Variants in PLS1 observed in about 807,000 individuals in gnomAD.
PLS1 encodes plastin-1.
Under a neutral mutation model 73.7 loss-of-function variants are expected in PLS1, and 32 were observed. The observed-to-expected ratio is 0.43, with a 90% CI of 0.33 to 0.58. PLS1 has a LOEUF of 0.58. Among genes scored for constraint, PLS1 ranks in the 20% least tolerant of loss-of-function variants. PLS1 has a pLI of 0.04. For synonymous variants in PLS1, 217 were observed against 261.3 expected, an observed-to-expected ratio of 0.83 and a Z score of 1.63; for missense variants, 633 against 740.5, an observed-to-expected ratio of 0.85 and a Z score of 1.68.
At chr3:142,673,782 C>A in intron 4 of PLS1, 1 of 152,254 alleles carries the variant, frequency 6.6e-6, no homozygotes, top group South Asian at 2.1e-4. Flanking sequence ...GGTCTTTGGT[C>A]AAGGGTATAC....
chr3:142,691,879 A>G (rs1405942431), intron 10 of PLS1, among the ~76,000 whole-genome samples: 1 of 152,148 alleles, frequency 6.6e-6, no homozygotes, highest in African/African-American at 2.4e-5. Flanking sequence ...GCTCACATCA[A>G]ATTGAACCAG....
At chr3:142,702,580 T>C (rs2038352673) in intron 12 of PLS1, among the ~76,000 whole-genome samples, 1 of 152,186 alleles carries the variant, frequency 6.6e-6, no homozygotes, top group African/African-American at 2.4e-5. Flanking sequence ...GTAAGCACTT[T>C]TGTTCCTACT....
chr3:142,637,999 T>C (rs1159512496), intron 1 of PLS1, among the ~76,000 whole-genome samples: 5 of 152,108 alleles, frequency 3.3e-5, no homozygotes, highest in African/African-American at 1.2e-4. Context: ...GAAAAGGTGA[T>C]AGTTGCAATC....
chr3:142,635,667 C>G (rs181568710), intron 1 of PLS1, among the ~76,000 whole-genome samples: 11 of 152,240 alleles, frequency 7.2e-5, no homozygotes, highest in Admixed American at 7.2e-4. Context: ...GTTCAGACAT[C>G]AGTTCCCCAA....
intron 1 of PLS1, among the ~76,000 whole-genome samples, chr3:142,654,563 A>C (rs2037176780): frequency 6.6e-6 from 1 of 152,138 alleles, no homozygotes; most frequent in South Asian, 2.1e-4. Flanking sequence ...TATGTTGCCC[A>C]GGCTGGTCTT....
At chr3:142,600,552 T>C (rs74923729) in intron 1 of PLS1, among the ~76,000 whole-genome samples, 2,751 of 152,162 alleles carry the variant, frequency 0.018, 30 homozygotes, top group South Asian at 0.041. Context: ...CAGAAAGCAG[T>C]GCTGCTGAAT....
intron 1 of PLS1, among the ~76,000 whole-genome samples, chr3:142,642,147 C>T (rs2036856589): frequency 6.6e-6 from 1 of 152,014 alleles, no homozygotes; most frequent in African/African-American, 2.4e-5. Context: ...TCTAACCTGT[C>T]TTTTTTTCTT....
chr3:142,700,527 G>A (rs928407053), intron 12 of PLS1, among the ~76,000 whole-genome samples: 5 of 152,136 alleles, frequency 3.3e-5, no homozygotes, highest in South Asian at 2.1e-4. Flanking sequence ...GTTTCACCGT[G>A]TTAGCCAGGA....
chr3:142,682,131 A>G (rs771067347), intron 6 of PLS1, among the ~76,000 whole-genome samples: 13 of 152,156 alleles, frequency 8.5e-5, no homozygotes, highest in Non-Finnish European at 1.5e-4. Context: ...GTCTTTCAAT[A>G]TGAGAGGGGG....
rs760684545 is a variant in PLS1 at position 142,664,251 on chromosome 3, C to G, written c.14C>G (p.Thr5Ser). 22 of 1,584,082 alleles carry G rather than the reference C, an allele frequency of 1.4e-5. No individual in the cohort carries two copies. The highest frequency in any genetic ancestry group is 1.9e-5 in the Non-Finnish European group (22 of 1,156,112). Residue 5 changes from threonine to serine, a missense_variant, in exon 2 of 16, where the codon ACT becomes AGT. By Grantham distance (58) the Thr-to-Ser change is moderately conservative. Coordinates refer to ENST00000457734, the MANE Select transcript of PLS1 (RefSeq NM_001145319.2). ...TTCTGTCCAAAGATGGAAAACAGTA[C>G]TACTACCATTTCTCGGGAGGAGCTT... Reference protein sequence around the residue: MENSTTTISREELEE... With the variant: MENSSTTISREELEE...
rs368648829 is a variant in PLS1, at chr3:142,615,919, G to A, written c.-37+19410G>A. Among the ~76,000 whole-genome samples the A allele has an allele frequency of 5.9e-5, 9 of 152,288 alleles. No individual in the cohort carries two copies. In the South Asian group the frequency reaches 1.2e-3, roughly 21 times the overall value. ...AGCTTACTAGACATGCAGACTTTTC[G>A]TCTCCATTCCAGACAAACTGAATCA... On this transcript the variant is annotated intron_variant, in intron 1 of 15. Transcript: ENST00000457734.
At chr3:142,664,447 G>T in intron 2 of PLS1, 140 bp downstream of exon 2, 1 of 510,838 alleles carries the variant, frequency 2.0e-6, no homozygotes, top group South Asian at 2.6e-5. Flanking sequence ...AGGTTTCACT[G>T]GATTCTTTCT....
chr3:142,682,163 G>T (rs540204063), intron 6 of PLS1, among the ~76,000 whole-genome samples: 16 of 152,282 alleles, frequency 1.1e-4, no homozygotes, highest in African/African-American at 3.4e-4. Flanking sequence ...GATTGGGCAA[G>T]ATTCTCAATA....
At chr3:142,602,600 C>G (rs948814484) in intron 1 of PLS1, among the ~76,000 whole-genome samples, 1 of 147,072 alleles carries the variant, frequency 6.8e-6, no homozygotes. Context: ...AATTTAAAGG[C>G]CCCCCCCACC....
At chr3:142,689,973 G>A (rs2107910607) in intron 10 of PLS1, among the ~76,000 whole-genome samples, 160 bp downstream of exon 10, 1 of 152,236 alleles carries the variant, frequency 6.6e-6, no homozygotes. Context: ...GTGGTTGCTG[G>A]TTTTGGTTAA....
chr3:142,701,254 C>G (rs1364711145), intron 12 of PLS1, among the ~76,000 whole-genome samples: 1 of 152,152 alleles, frequency 6.6e-6, no homozygotes, highest in Non-Finnish European at 1.5e-5. Context: ...TATATTTACA[C>G]CCTCAGGGAG....
At chr3:142,608,635 CCAGTGGTTTT>C (rs1191846791) in intron 1 of PLS1, among the ~76,000 whole-genome samples, 10 of 152,282 alleles carry the variant, frequency 6.6e-5, no homozygotes, top group Admixed American at 3.9e-4. Context: ...TCCAGAGTTT[CCAGTGGTTTT>C]AAATCATGAA....
chr3:142,654,079 C>G (rs755301196), intron 1 of PLS1, among the ~76,000 whole-genome samples: 5 of 152,184 alleles, frequency 3.3e-5, no homozygotes, highest in Non-Finnish European at 7.3e-5. Flanking sequence ...GCAAGTCTGA[C>G]AGCCACTGAA....
chr3:142,656,494 G>A (rs2037240018), intron 1 of PLS1: 9 of 152,176 alleles, frequency 5.9e-5, no homozygotes, highest in Admixed American at 5.2e-4. Flanking sequence ...ACAGTCAGTA[G>A]ACATTCCAGT....
Sources: gnomAD v4.1 joint callset for allele counts (sites outside exome capture counted in the v4.1 genomes callset) on GRCh38, gnomAD v4.1.1 for gene constraint, MANE v1.5 for transcripts, NCBI Gene and HGNC (gene_info 2026-07-23, HGNC 2026-07-21) for gene names.